SVEP1: variants seen among roughly 807,000 people sequenced by gnomAD.
SVEP1 encodes sushi, von Willebrand factor type A, EGF and pentraxin domain containing 1.
Under a neutral mutation model 367.3 loss-of-function variants are expected in SVEP1, and 164 were observed. The observed-to-expected ratio is 0.45, with a 90% CI of 0.39 to 0.51. The LOEUF is 0.51. Among genes scored for constraint, SVEP1 ranks in the 20% least tolerant of loss-of-function variants. SVEP1 has a pLI of 0.00. For missense variants in SVEP1, 4,117 were observed against 4,425.3 expected (o/e 0.93, Z 1.98); for synonymous variants, 1,666 against 1,611.6 (o/e 1.03, Z -0.81).
chr9:110,427,710 G>A lies in SVEP1; in HGVS notation c.5856C>T (p.Asp1952=). ...CGAGGTGACAGGCAGGTGGCGCTCT[G>A]TCCCAGATGCCAGAAGCCGTGCATT... The part of the protein sequence containing the change: ...IIECTASGIW[D]RAPPACHLVF... The change falls in exon 36 of 48, where the codon GAC becomes GAT. Residue 1952 remains aspartate, a synonymous_variant. Transcript: ENST00000374469. The A allele has an allele frequency of 6.2e-7, 1 of 1,613,804 alleles. No homozygotes were observed. The highest frequency in any genetic ancestry group is 8.5e-7 in the Non-Finnish European group (1 of 1,179,816).
At chr9:110,517,338 C>T (rs1829817879) in intron 3 of SVEP1, among the ~76,000 whole-genome samples, 1 of 152,024 alleles carries the variant, frequency 6.6e-6, no homozygotes, top group South Asian at 2.1e-4. Flanking sequence ...TGGCTCATGC[C>T]TATAATCCCA....
chr9:110,404,994 C>A (rs528733737), intron 38 of SVEP1, among the ~76,000 whole-genome samples: 2 of 152,112 alleles, frequency 1.3e-5, no homozygotes, highest in Non-Finnish European at 2.9e-5. Context: ...CCACTGCACT[C>A]CAGCCTGGGT....
chr9:110,376,091 G>C (rs1365154659), intron 45 of SVEP1, among the ~76,000 whole-genome samples: 3 of 152,150 alleles, frequency 2.0e-5, no homozygotes, highest in South Asian at 4.1e-4. Flanking sequence ...TGAGTTTGTT[G>C]CTTTGCTCCC....
chr9:110,460,332 T>TAAC lies in SVEP1; in HGVS notation c.3323-1220_3323-1219insGTT, dbSNP rs1828838678. On this transcript the variant is annotated intron_variant, in intron 18 of 47. Transcript: ENST00000374469. Reference sequence around the variant, plus strand: ...TGTTCATTATATCTAAAGATAAAAATAAATACTTCATTAAAAGTGTTATCA... The same window carrying TAAC: ...TGTTCATTATATCTAAAGATAAAAATAACAAATACTTCATTAAAAGTGTTATCA... Among the ~76,000 whole-genome samples, 2 of 152,036 alleles carry TAAC rather than the reference T, an allele frequency of 1.3e-5. 1 individual carries two copies. The highest frequency in any genetic ancestry group is 1.3e-4 in the Admixed American group (2 of 15,274).
intron 29 of SVEP1, among the ~76,000 whole-genome samples, chr9:110,434,977 C>T (rs184122640): frequency 6.6e-6 from 1 of 151,750 alleles, no homozygotes; most frequent in East Asian, 1.9e-4. Context: ...AAAAAAATAA[C>T]CTCATTTCTT....
intron 1 of SVEP1, among the ~76,000 whole-genome samples, chr9:110,560,104 G>C (rs566740279): frequency 1.3e-5 from 2 of 152,186 alleles, no homozygotes; most frequent in South Asian, 4.1e-4. Flanking sequence ...GATCTCATAA[G>C]ATTATAATGC....
chr9:110,579,407 A>C lies in SVEP1; in HGVS notation c.137T>G (p.Ile46Ser). Reference sequence around the variant, plus strand: ...GTCGCCAGGAGCGGGCGGCGCGGGGATACTCCCGGGGGCCCCGGGCGCGGT... The same window carrying C: ...GTCGCCAGGAGCGGGCGGCGCGGGGCTACTCCCGGGGGCCCCGGGCGCGGT... The part of the protein sequence containing the change: ...PETAPGAPGS[I>S]PAPPAPGDEA... The change falls in exon 1 of 48, where the codon ATC becomes AGC. Residue 46 changes from isoleucine (I) to serine (S), a missense_variant. This residue lies in a region of SVEP1 where 161 missense variants were observed against 122.4 expected (regional missense o/e 1.32). Coordinates refer to ENST00000374469, the MANE Select transcript of SVEP1 (RefSeq NM_153366.4). This position sits in a 1 kb window ranked among gnomAD's most constrained non-coding sequence, Gnocchi z 5.3. 1 of 1,576,350 alleles carries C rather than the reference A, an allele frequency of 6.3e-7. No homozygotes were observed. The highest frequency in any genetic ancestry group is 8.6e-7 in the Non-Finnish European group (1 of 1,162,290).
chr9:110,428,292 A>G (rs1261772061), intron 35 of SVEP1, among the ~76,000 whole-genome samples: 1 of 152,002 alleles, frequency 6.6e-6, no homozygotes, highest in Non-Finnish European at 1.5e-5. Context: ...TTCTGATAGC[A>G]TGCTTTAATT....
At chr9:110,572,488 TAATA>T (rs1830576174) in intron 1 of SVEP1, among the ~76,000 whole-genome samples, 1 of 152,166 alleles carries the variant, frequency 6.6e-6, no homozygotes, top group African/African-American at 2.4e-5. Context: ...ATAACAAAAC[TAATA>T]AATAAAATAC....
chr9:110,410,531 C>T (rs956775896), intron 37 of SVEP1, among the ~76,000 whole-genome samples: 2 of 152,162 alleles, frequency 1.3e-5, no homozygotes, highest in Admixed American at 1.3e-4. Context: ...TGAAAAACCT[C>T]TGTAAAACAA....
intron 3 of SVEP1, among the ~76,000 whole-genome samples, chr9:110,517,292 T>C (rs7039613): frequency 0.17 from 25,144 of 151,798 alleles, 2,588 homozygotes; most frequent in Admixed American, 0.26. Flanking sequence ...TACACCCATC[T>C]CTTAAAAATA....
At chr9:110,525,547 T>C (rs2118801336) in intron 3 of SVEP1, among the ~76,000 whole-genome samples, 1 of 152,228 alleles carries the variant, frequency 6.6e-6, no homozygotes, top group East Asian at 1.9e-4. Context: ...CCCAAGAAGA[T>C]TTTTTTAAAT....
At chr9:110,479,920 A>T (rs1302693393) in intron 12 of SVEP1, among the ~76,000 whole-genome samples, 164 bp from the exon 13 acceptor site, 1 of 152,204 alleles carries the variant, frequency 6.6e-6, no homozygotes, top group East Asian at 1.9e-4. Context: ...GCATTAAATG[A>T]TCATAATAAA....
At chr9:110,515,139 T>C (rs1829783372) in intron 3 of SVEP1, among the ~76,000 whole-genome samples, 1 of 152,226 alleles carries the variant, frequency 6.6e-6, no homozygotes, top group East Asian at 1.9e-4. Flanking sequence ...GTTATGCATC[T>C]GTAAAATAAT....
chr9:110,566,692 T>C (rs1830498176), intron 1 of SVEP1, among the ~76,000 whole-genome samples: 1 of 152,222 alleles, frequency 6.6e-6, no homozygotes, highest in Non-Finnish European at 1.5e-5. Flanking sequence ...GTAATGCTTT[T>C]GGCAGAAGAG....
intron 1 of SVEP1, among the ~76,000 whole-genome samples, chr9:110,559,737 C>G (rs1257974117): frequency 6.6e-6 from 1 of 151,782 alleles, no homozygotes; most frequent in East Asian, 1.9e-4. Flanking sequence ...GATACACACA[C>G]AAAATGATCA....
chr9:110,401,092 C>CAA, intron 39 of SVEP1, 83 bp from the exon 40 acceptor site: 1 of 1,516,226 alleles, frequency 6.6e-7, no homozygotes, highest in Non-Finnish European at 9.0e-7. Flanking sequence ...TGGTTATTTG[C>CAA]AGAATAATCT....
Position 110,579,474 on chromosome 9 carries a change from TCTG to T in SVEP1, c.67_69del (p.Gln23del). ...AAGCTGAAATTGCGCGACGGGGACA[TCTG>T]CTGAAAGGTCGCCCAGCCCGAAACG... is the stretch of plus-strand genomic sequence containing the variant. On this transcript the variant is annotated inframe_deletion, in exon 1 of 48. Coordinates refer to ENST00000374469, the MANE Select transcript of SVEP1 (RefSeq NM_153366.4). The surrounding 1 kb of genome is among the most constrained non-coding windows in gnomAD (Gnocchi z 5.3). 6.2e-7 allele frequency: 1 copy of T among 1,604,300 alleles called. No homozygotes were observed.
intron 37 of SVEP1, among the ~76,000 whole-genome samples, chr9:110,410,802 C>A (rs1287700631): frequency 6.6e-6 from 1 of 152,104 alleles, no homozygotes; most frequent in Non-Finnish European, 1.5e-5. Context: ...TGATGAAAGC[C>A]ACAGAGCATT....
Sources: allele counts gnomAD v4.1 joint callset (sites outside exome capture counted in the v4.1 genomes callset), GRCh38; gene constraint gnomAD v4.1.1; regional missense constraint gnomAD v4.1.1; non-coding constraint Gnocchi (gnomAD v3.1); transcripts MANE v1.5; gene names NCBI Gene and HGNC (gene_info 2026-07-23, HGNC 2026-07-21).